Variants in RABGAP1L observed in about 807,000 individuals in gnomAD.
RABGAP1L encodes the protein rab GTPase-activating protein 1-like.
Under a neutral mutation model 137.7 loss-of-function variants are expected in RABGAP1L, and 63 were observed. The ratio of observed to expected loss-of-function variants is 0.46; its 90% CI spans 0.37 to 0.56. The LOEUF (loss-of-function observed/expected upper bound fraction) is 0.56, where lower values mean the gene tolerates loss of function less well. Ranked by LOEUF, RABGAP1L falls within the 20% of genes least tolerant of loss-of-function variation. RABGAP1L has a pLI of 0.00. For missense variants in RABGAP1L, 1,095 were observed against 1,244.0 expected, an observed-to-expected ratio of 0.88 and a Z score of 1.80; for synonymous variants, 431 against 433.7, an observed-to-expected ratio of 0.99 and a Z score of 0.08.
intron 13 of RABGAP1L, among the ~76,000 whole-genome samples, chr1:174,585,388 A>G (rs540047666): frequency 6.6e-6 from 1 of 152,290 alleles, no homozygotes; most frequent in East Asian, 1.9e-4. Context: ...TCAGCTTGAA[A>G]GAGTATATAG....
chr1:174,548,438 A>G, intron 13 of RABGAP1L: 3 of 954,886 alleles, frequency 3.1e-6, no homozygotes, highest in Non-Finnish European at 3.8e-6. Context: ...TTTTGCTTAT[A>G]TATGGATATA....
intron 23 of RABGAP1L, among the ~76,000 whole-genome samples, chr1:174,979,567 T>C (rs1180129510): frequency 6.6e-6 from 1 of 152,222 alleles, no homozygotes; most frequent in Non-Finnish European, 1.5e-5. Context: ...TAAATGGCAG[T>C]AGCTAGGGGA....
intron 14 of RABGAP1L, among the ~76,000 whole-genome samples, chr1:174,652,845 C>G (rs867655216): frequency 7.9e-5 from 12 of 152,300 alleles, no homozygotes; most frequent in South Asian, 2.1e-4. Flanking sequence ...ATCTGCTGCT[C>G]TCTTTACAGC....
At position 174,448,550 on chromosome 1, in the gene RABGAP1L, C is replaced by T; in HGVS notation, c.1710+54405C>T. 1 of 1,613,104 alleles carries T rather than the reference C, an allele frequency of 6.2e-7. No homozygotes were observed. The highest frequency in any genetic ancestry group is 8.5e-7 in the Non-Finnish European group (1 of 1,179,384). On this transcript the variant is annotated intron_variant, in intron 13 of 25. Coordinates refer to ENST00000681986, the MANE Select transcript of RABGAP1L (RefSeq NM_001366446.1). The surrounding 1 kb of genome is among the most constrained non-coding windows in gnomAD (Gnocchi z 4.2). ...TCGTTATCTTGCAATAACCAAGCCTCTTTCCTACAATCAACTGGTCACCCC... is the reference window on the plus strand; with the variant it reads ...TCGTTATCTTGCAATAACCAAGCCTTTTTCCTACAATCAACTGGTCACCCC...
chr1:174,410,662 T>C (rs988341602), intron 13 of RABGAP1L, among the ~76,000 whole-genome samples: 12 of 152,122 alleles, frequency 7.9e-5, no homozygotes, highest in African/African-American at 2.7e-4. Flanking sequence ...ATAGTATGAA[T>C]TCAGGTAATG....
At chr1:174,415,429 CT>C (rs113856511) in intron 13 of RABGAP1L, among the ~76,000 whole-genome samples, 1 of 151,302 alleles carries the variant, frequency 6.6e-6, no homozygotes, top group South Asian at 2.1e-4. Context: ...GATATGCATA[CT>C]TTTTTTTTCC....
chr1:174,963,545 T>G (rs893285534), intron 20 of RABGAP1L, among the ~76,000 whole-genome samples: 29 of 152,024 alleles, frequency 1.9e-4, no homozygotes, highest in Non-Finnish European at 3.5e-4. Context: ...TTAGAAAGTT[T>G]TCTTTTCTGT....
intron 10 of RABGAP1L, among the ~76,000 whole-genome samples, chr1:174,303,590 C>T (rs1395321044): frequency 1.3e-5 from 2 of 152,036 alleles, no homozygotes; most frequent in Admixed American, 1.3e-4. Context: ...ATGAACCAGG[C>T]AATTTTCTTT....
In RABGAP1L at chr1:174,363,320, G is replaced by T. The variant is rs2148970808; in HGVS notation, c.1466-7659G>T. On this transcript the variant is annotated intron_variant, in intron 11 of 25. Coordinates refer to ENST00000681986, the MANE Select transcript of RABGAP1L (RefSeq NM_001366446.1). ...AATAGTTTTTTTGTAGTTCTTTGAA[G>T]AATGTCAATGGTAGTTTAATAGAAA... Among the ~76,000 whole-genome samples, 4 of 152,308 alleles carry T rather than the reference G, an allele frequency of 2.6e-5. No homozygotes were observed. The Middle Eastern group carries it at 0.014, about 518-fold the overall frequency.
intron 13 of RABGAP1L, among the ~76,000 whole-genome samples, chr1:174,480,674 A>C (rs1658993284): frequency 6.6e-6 from 1 of 152,208 alleles, no homozygotes; most frequent in Non-Finnish European, 1.5e-5. Flanking sequence ...GATCATCATG[A>C]CCAAATGTAG....
chr1:174,644,566 A>G (rs1256609497), intron 14 of RABGAP1L, among the ~76,000 whole-genome samples: 1 of 152,120 alleles, frequency 6.6e-6, no homozygotes, highest in Non-Finnish European at 1.5e-5. Flanking sequence ...ACCTGCAAAG[A>G]TGAAACACAG....
intron 19 of RABGAP1L, among the ~76,000 whole-genome samples, chr1:174,908,875 T>G (rs1209023266): frequency 6.7e-6 from 1 of 148,650 alleles, no homozygotes; most frequent in Non-Finnish European, 1.5e-5. Flanking sequence ...AATGGGTCAA[T>G]GAAAGTACTA....
Position 174,801,614 on chromosome 1 carries a change from G to A in RABGAP1L, c.2212-10218G>A, listed in dbSNP as rs544752512. Among the ~76,000 whole-genome samples the A allele has an allele frequency of 2.0e-5, 3 of 152,222 alleles. No homozygotes were observed. The East Asian group carries it at 5.8e-4, about 29-fold the overall frequency. The stretch of plus-strand genomic sequence containing the variant: ...GCAGTGACTAGCATACAATTATAGG[G>A]GGGATATTTTTGAGAAATGTAGTTC... On this transcript the variant is annotated intron_variant, in intron 18 of 25. Coordinates refer to ENST00000681986, the MANE Select transcript of RABGAP1L (RefSeq NM_001366446.1).
intron 17 of RABGAP1L, among the ~76,000 whole-genome samples, chr1:174,748,157 G>A (rs1558041804): frequency 6.6e-6 from 1 of 152,018 alleles, no homozygotes; most frequent in African/African-American, 2.4e-5. Context: ...TTTGTGTCTT[G>A]GACAGCTTGG....
intron 17 of RABGAP1L, among the ~76,000 whole-genome samples, chr1:174,728,791 G>C (rs1177361251): frequency 6.6e-6 from 1 of 151,980 alleles, no homozygotes; most frequent in African/African-American, 2.4e-5. Flanking sequence ...ACAGGCGCAA[G>C]CCACCATGCC....
At chr1:174,490,654 C>T (rs1660133075) in intron 13 of RABGAP1L, among the ~76,000 whole-genome samples, 1 of 152,136 alleles carries the variant, frequency 6.6e-6, no homozygotes. Flanking sequence ...TGTGTTTTTC[C>T]TTTCAGGGTA....
chr1:174,445,370 T>C (rs111586610), intron 13 of RABGAP1L, among the ~76,000 whole-genome samples: 2,196 of 152,282 alleles, frequency 0.014, 32 homozygotes, highest in South Asian at 0.031. Flanking sequence ...TTAGAACAAA[T>C]TTCTTTGACC....
chr1:174,668,301 CT>C (rs1676932566), intron 14 of RABGAP1L, among the ~76,000 whole-genome samples: 1 of 152,152 alleles, frequency 6.6e-6, no homozygotes, highest in African/African-American at 2.4e-5. Flanking sequence ...CACCATTCTA[CT>C]TTCTAATTCA....
At chr1:174,480,945 G>C (rs1485067339) in intron 13 of RABGAP1L, among the ~76,000 whole-genome samples, 1 of 152,096 alleles carries the variant, frequency 6.6e-6, no homozygotes, top group East Asian at 1.9e-4. Context: ...AAGGTACTTA[G>C]GATTGGGGAG....
Sources: gnomAD v4.1 joint callset for allele counts (sites outside exome capture counted in the v4.1 genomes callset) on GRCh38, gnomAD v4.1.1 for gene constraint, Gnocchi (gnomAD v3.1) non-coding constraint, MANE v1.5 for transcripts, NCBI Gene and HGNC (gene_info 2026-07-23, HGNC 2026-07-21) for gene names.